The following GCNT2 variants were observed in gnomAD, a reference collection of about 807,000 sequenced individuals.
GCNT2 encodes the protein N-acetyllactosaminide beta-1,6-N-acetylglucosaminyl-transferase.
In GCNT2, 34 loss-of-function variants were observed where a neutral mutation model predicts 34.2. The ratio of observed to expected loss-of-function variants is 1.00; its 90% CI spans 0.76 to 1.32. The LOEUF (loss-of-function observed/expected upper bound fraction) is 1.32. GCNT2 is among the 40% of genes most tolerant of loss of function. The pLI is 0.00. For missense variants in GCNT2, 584 were observed against 489.4 expected (o/e 1.19, Z -1.82); for synonymous variants, 212 against 188.0 (o/e 1.13, Z -1.04).
At chr6:10,605,062 C>G (rs1384069834) in intron 3 of GCNT2, among the ~76,000 whole-genome samples, 1 of 151,878 alleles carries the variant, frequency 6.6e-6, no homozygotes, top group East Asian at 1.9e-4. Context: ...GGGAGGATCA[C>G]TTGAGCTTAG....
intron 3 of GCNT2, among the ~76,000 whole-genome samples, chr6:10,613,327 A>C (rs149963754): frequency 6.6e-6 from 1 of 152,228 alleles, no homozygotes; most frequent in Non-Finnish European, 1.5e-5. Flanking sequence ...ATGAAGAGCA[A>C]ATGAGAGAAT....
intron 3 of GCNT2, among the ~76,000 whole-genome samples, chr6:10,533,258 A>G (rs1761583785): frequency 6.6e-6 from 1 of 151,626 alleles, no homozygotes; most frequent in African/African-American, 2.4e-5. Context: ...GTGAGCCAAG[A>G]TCCTGCCACT....
At chr6:10,553,195 A>T (rs1046478102) in intron 3 of GCNT2, among the ~76,000 whole-genome samples, 17 of 152,208 alleles carry the variant, frequency 1.1e-4, no homozygotes, top group Non-Finnish European at 1.5e-5. Context: ...TAGAGGAAAG[A>T]TGCAGGAGGG....
chr6:10,555,070 C>T (rs1305520178), intron 3 of GCNT2, among the ~76,000 whole-genome samples: 1 of 152,056 alleles, frequency 6.6e-6, no homozygotes, highest in Non-Finnish European at 1.5e-5. Flanking sequence ...AGGGTAGAGA[C>T]TTTTCAAATG....
intron 3 of GCNT2, among the ~76,000 whole-genome samples, chr6:10,577,904 C>G (rs868788384): frequency 3.3e-5 from 5 of 152,144 alleles, no homozygotes; most frequent in Non-Finnish European, 5.9e-5. Context: ...GTAGGAGGTG[C>G]ACCTTAAAAT....
chr6:10,527,099 G>A (rs1391917453), intron 1 of GCNT2, among the ~76,000 whole-genome samples: 1 of 152,078 alleles, frequency 6.6e-6, no homozygotes, highest in African/African-American at 2.4e-5. Context: ...ATGTGATCAG[G>A]GAAGCAGGGA....
chr6:10,596,220 C>A (rs189560166), intron 3 of GCNT2, among the ~76,000 whole-genome samples: 3 of 152,154 alleles, frequency 2.0e-5, no homozygotes, highest in East Asian at 3.9e-4. Context: ...AGGCAGAATG[C>A]GGTTTGTTAA....
intron 3 of GCNT2, among the ~76,000 whole-genome samples, chr6:10,554,464 C>A (rs575305425): frequency 6.6e-6 from 1 of 152,030 alleles, no homozygotes; most frequent in Admixed American, 6.6e-5. Context: ...AAATCCAAAC[C>A]CCCATGTTAT....
chr6:10,561,383 A>G (rs995945697), intron 3 of GCNT2, among the ~76,000 whole-genome samples: 4 of 152,136 alleles, frequency 2.6e-5, no homozygotes, highest in African/African-American at 7.2e-5. Flanking sequence ...GCTGGTCTCG[A>G]ACTCCCGACC....
intron 3 of GCNT2, among the ~76,000 whole-genome samples, chr6:10,568,210 TCTC>T (rs1020348371): frequency 1.1e-4 from 17 of 152,094 alleles, no homozygotes; most frequent in African/African-American, 3.4e-4. Flanking sequence ...TTCTGCCACA[TCTC>T]CTTGTTTTTT....
intron 3 of GCNT2, among the ~76,000 whole-genome samples, chr6:10,551,519 C>T (rs539615385): frequency 6.6e-6 from 1 of 150,592 alleles, no homozygotes; most frequent in South Asian, 2.1e-4. Context: ...GATTTCGGCT[C>T]ACAGCAACGT....
At chr6:10,565,177 C>T (rs898669342) in intron 3 of GCNT2, among the ~76,000 whole-genome samples, 6 of 152,144 alleles carry the variant, frequency 3.9e-5, no homozygotes, top group Admixed American at 1.3e-4. Context: ...GCCGAGCGAA[C>T]GAGGATGAGA....
At chr6:10,538,334 G>A (rs998207512) in intron 3 of GCNT2, among the ~76,000 whole-genome samples, 3 of 145,664 alleles carry the variant, frequency 2.1e-5, no homozygotes, top group African/African-American at 7.7e-5. Context: ...CTTGAACCTG[G>A]GATGCAGAGG....
At chr6:10,555,931 C>T in intron 3 of GCNT2, 1 of 1,010,712 alleles carries the variant, frequency 9.9e-7, no homozygotes, top group Non-Finnish European at 1.2e-6. Context: ...CAAGAGAGGG[C>T]AAGTCCAGCC....
At chr6:10,541,899 C>G (rs1762051069) in intron 3 of GCNT2, among the ~76,000 whole-genome samples, 1 of 152,170 alleles carries the variant, frequency 6.6e-6, no homozygotes. Flanking sequence ...GCTCCAAATA[C>G]TTTTTGTTGT....
rs766885024 is a variant in GCNT2, at chr6:10,555,846, CAG to C, written c.925+26012_925+26013del. On this transcript the variant is annotated intron_variant, in intron 3 of 4. Transcript: ENST00000495262. ...TTTCCTGAAACAGCACGTTGGAAAACAGAAGCTATTTTCTATCCCGTGGGTTG... is the reference window on the plus strand; with the variant it reads ...TTTCCTGAAACAGCACGTTGGAAAACAAGCTATTTTCTATCCCGTGGGTTG... 8.5e-4 allele frequency: 840 copies of C among 985,242 alleles called. 1 individual carries two copies. Among genetic ancestry groups the C allele is most frequent in the Non-Finnish European group, 9.6e-4 (793 of 829,924 alleles). 61.0% of individuals were successfully genotyped at this position (985,242 alleles called of 1,614,324 possible).
chr6:10,542,608 G>T (rs976847148), intron 3 of GCNT2, among the ~76,000 whole-genome samples: 3 of 152,146 alleles, frequency 2.0e-5, no homozygotes, highest in Non-Finnish European at 4.4e-5. Context: ...TACTATATGT[G>T]TTCTTTCATG....
At chr6:10,533,347 T>A (rs1410071162) in intron 3 of GCNT2, among the ~76,000 whole-genome samples, 1 of 151,712 alleles carries the variant, frequency 6.6e-6, no homozygotes, top group South Asian at 2.1e-4. Context: ...GAAAAACATC[T>A]CACAGCTGAA....
intron 3 of GCNT2, among the ~76,000 whole-genome samples, chr6:10,542,408 C>T (rs1762075029): frequency 7.1e-6 from 1 of 140,604 alleles, no homozygotes; most frequent in South Asian, 2.1e-4. Flanking sequence ...ATAAAACTCA[C>T]CCACTTTTGT....
Sources: allele counts gnomAD v4.1 joint callset (sites outside exome capture counted in the v4.1 genomes callset), GRCh38; gene constraint gnomAD v4.1.1; transcripts MANE v1.5; gene names NCBI Gene and HGNC (gene_info 2026-07-23, HGNC 2026-07-21).